ATF6: variants seen among roughly 807,000 people sequenced by gnomAD.
ATF6 encodes cyclic AMP-dependent transcription factor ATF-6 alpha.
ATF6 carries 53 observed loss-of-function variants against 83.6 expected under a neutral mutation model. The observed-to-expected ratio is 0.63, with a 90% confidence interval of 0.51 to 0.80. The LOEUF (loss-of-function observed/expected upper bound fraction) is 0.80. Ranked by LOEUF, ATF6 falls within the 30% of genes least tolerant of loss-of-function variation. The probability of loss-of-function intolerance (pLI) is 0.00; values close to 1 mark genes in which losing one functional copy is unlikely to be tolerated. For synonymous variants in ATF6, 288 were observed against 285.8 expected, an observed-to-expected ratio of 1.01 and a Z score of -0.08; for missense variants, 744 against 797.9, an observed-to-expected ratio of 0.93 and a Z score of 0.81.
intron 15 of ATF6, among the ~76,000 whole-genome samples, chr1:161,932,215 G>T (rs552194059): frequency 2.7e-4 from 41 of 151,990 alleles, no homozygotes; most frequent in Admixed American, 2.0e-3. Flanking sequence ...TATTTTTTTT[G>T]ACCAACTTTC....
intron 14 of ATF6, among the ~76,000 whole-genome samples, chr1:161,895,725 T>C (rs1257458130): frequency 2.0e-5 from 3 of 152,212 alleles, no homozygotes; most frequent in Non-Finnish European, 4.4e-5. Context: ...TAGCAACATA[T>C]CTGATCATTT....
chr1:161,813,823 A>G (rs1026286853), intron 7 of ATF6, among the ~76,000 whole-genome samples: 1 of 151,014 alleles, frequency 6.6e-6, no homozygotes, highest in East Asian at 1.9e-4. Context: ...CCAATTTTGT[A>G]TTTTCATTTA....
intron 1 of ATF6, among the ~76,000 whole-genome samples, chr1:161,773,582 A>T (rs538093902): frequency 6.6e-6 from 1 of 152,240 alleles, no homozygotes; most frequent in South Asian, 2.1e-4. Flanking sequence ...TGCTGTTTTT[A>T]AGGGCACTAC....
intron 14 of ATF6, among the ~76,000 whole-genome samples, chr1:161,877,082 T>C (rs1481514005): frequency 6.6e-6 from 1 of 152,096 alleles, no homozygotes; most frequent in Admixed American, 6.6e-5. Flanking sequence ...AGCTCCATAA[T>C]AATGTGTTTC....
At chr1:161,823,132 A>G (rs1685804525) in intron 9 of ATF6, among the ~76,000 whole-genome samples, 1 of 152,068 alleles carries the variant, frequency 6.6e-6, no homozygotes, top group Non-Finnish European at 1.5e-5. Flanking sequence ...TGTGGTTTAT[A>G]TATACTGATA....
chr1:161,912,489 C>A, intron 15 of ATF6, 109 bp downstream of exon 15: 1 of 526,800 alleles, frequency 1.9e-6, no homozygotes, highest in Non-Finnish European at 3.1e-6. Flanking sequence ...AGTATATATC[C>A]GTACATTATT....
intron 1 of ATF6, among the ~76,000 whole-genome samples, chr1:161,774,406 T>TGC (rs1684468018): frequency 4.7e-5 from 7 of 148,426 alleles, no homozygotes. Flanking sequence ...TATGGATATG[T>TGC]ACACACACAC....
At chr1:161,912,239 C>T in intron 14 of ATF6, 57 bp from the exon 15 acceptor site, 1 of 1,214,684 alleles carries the variant, frequency 8.2e-7, no homozygotes, top group South Asian at 1.7e-5. Flanking sequence ...TGAATTTGGC[C>T]TGTTCTAGGA....
chr1:161,810,327 A>G (rs1685424688), intron 7 of ATF6, among the ~76,000 whole-genome samples: 1 of 152,176 alleles, frequency 6.6e-6, no homozygotes, highest in African/African-American at 2.4e-5. Flanking sequence ...GAGCAGGAGA[A>G]AGAGAGAAAA....
At chr1:161,948,319 G>GAA (rs1688795602) in intron 15 of ATF6, among the ~76,000 whole-genome samples, 2 of 152,164 alleles carry the variant, frequency 1.3e-5, no homozygotes, top group Non-Finnish European at 2.9e-5. Flanking sequence ...TAGCGAAAGA[G>GAA]AAAATCCTTT....
intron 15 of ATF6, among the ~76,000 whole-genome samples, chr1:161,923,870 G>A (rs1284614863): frequency 6.6e-6 from 1 of 152,108 alleles, no homozygotes; most frequent in African/African-American, 2.4e-5. Context: ...CACTCTTTCT[G>A]CCTTATGGCA....
chr1:161,890,621 G>A (rs1450513476), intron 14 of ATF6, among the ~76,000 whole-genome samples: 1 of 152,224 alleles, frequency 6.6e-6, no homozygotes, highest in African/African-American at 2.4e-5. Context: ...GCGGCTTCGG[G>A]AACTAGATCC....
At chr1:161,923,219 G>T (rs1394756771) in intron 15 of ATF6, among the ~76,000 whole-genome samples, 2 of 152,078 alleles carry the variant, frequency 1.3e-5, no homozygotes, top group African/African-American at 2.4e-5. Context: ...GAAGGTGGTG[G>T]TGTTTTTTTT....
intron 7 of ATF6, among the ~76,000 whole-genome samples, chr1:161,812,152 T>A (rs993784507): frequency 6.6e-6 from 1 of 152,224 alleles, no homozygotes; most frequent in Middle Eastern, 3.4e-3. Flanking sequence ...AATACTCTCT[T>A]TAAATCTTAT....
chr1:161,869,490 C>G (rs1215916717), intron 14 of ATF6, among the ~76,000 whole-genome samples: 1 of 151,776 alleles, frequency 6.6e-6, no homozygotes, highest in African/African-American at 2.4e-5. Context: ...ATTTTCTTAT[C>G]TCCACTTTCA....
chr1:161,930,250 T>C (rs1342506020), intron 15 of ATF6, among the ~76,000 whole-genome samples: 1 of 152,242 alleles, frequency 6.6e-6, no homozygotes, highest in African/African-American at 2.4e-5. Flanking sequence ...CTTAGTTTAG[T>C]TGTTTTGGGT....
At chr1:161,766,939 C>T (rs1030850556) in intron 1 of ATF6, among the ~76,000 whole-genome samples, 1 of 152,164 alleles carries the variant, frequency 6.6e-6, no homozygotes, top group South Asian at 2.1e-4. Context: ...AAGCAAAACA[C>T]CCAAGCACCT....
Position 161,920,294 on chromosome 1 carries a change from C to CTTTTTTTTTTTTTTTTTTTTTT in ATF6, c.1804+7932_1804+7933insTTTTTTTTTTTTTTTTTTTTTT, listed in dbSNP as rs71798307. The stretch of plus-strand genomic sequence containing the variant: ...TAGTTCTCTTTCTCTCTCTCTCTCT[C>CTTTTTTTTTTTTTTTTTTTTTT]TTTTTTTTTTTTTTTTTTGAGACAG... On this transcript the variant is annotated intron_variant, in intron 15 of 15. Coordinates refer to ENST00000367942, the MANE Select transcript of ATF6 (RefSeq NM_007348.4). Among the ~76,000 whole-genome samples the CTTTTTTTTTTTTTTTTTTTTTT allele has an allele frequency of 1.7e-3, 91 of 54,838 alleles. 23 individuals carry two copies. The highest frequency in any genetic ancestry group is 3.7e-3 in the East Asian group (8 of 2,188). The allele number at this position is 54,838 out of a possible 152,430, so 36.0% of individuals were successfully genotyped here.
Position 161,859,920 on chromosome 1 carries a change from T to C in ATF6, c.1534-287T>C, listed in dbSNP as rs952646722. ...ATTGTTATATGTTCAGTAACACTTA[T>C]ATAGCTTGGTCATAAAATTTGTGGT... On this transcript the variant is annotated intron_variant, in intron 12 of 15. Coordinates refer to ENST00000367942, the MANE Select transcript of ATF6 (RefSeq NM_007348.4). Among the ~76,000 whole-genome samples the C allele has an allele frequency of 5.3e-5, 8 of 152,178 alleles. 1 individual carries two copies. The highest frequency in any genetic ancestry group is 4.1e-4 in the South Asian group (2 of 4,834).
Sources: gnomAD v4.1 joint callset for allele counts (sites outside exome capture counted in the v4.1 genomes callset) on GRCh38, gnomAD v4.1.1 for gene constraint, MANE v1.5 for transcripts, NCBI Gene and HGNC (gene_info 2026-07-23, HGNC 2026-07-21) for gene names.